C1GALT1: variants seen among roughly 807,000 people sequenced by gnomAD.
C1GALT1 encodes the protein glycoprotein-N-acetylgalactosamine 3-beta-galactosyltransferase 1.
In C1GALT1, 11 loss-of-function variants were observed where a neutral mutation model predicts 31.0. That is an observed-to-expected ratio of 0.36 (90% CI 0.22 to 0.59). C1GALT1 has a LOEUF of 0.59. Ranked by LOEUF, C1GALT1 falls within the 20% of genes least tolerant of loss-of-function variation. The probability of loss-of-function intolerance (pLI) is 0.79; values close to 1 mark genes in which losing one functional copy is unlikely to be tolerated. For missense variants in C1GALT1, 424 were observed against 425.2 expected (o/e 1.00, Z 0.03); for synonymous variants, 175 against 143.6 (o/e 1.22, Z -1.56).
At chr7:7,166,088 C>T (rs941126465) in intron 2 of C1GALT1, among the ~76,000 whole-genome samples, 3 of 152,096 alleles carry the variant, frequency 2.0e-5, no homozygotes, top group African/African-American at 7.2e-5. Context: ...CACGTTCTCT[C>T]ATTTACTGAT....
At chr7:7,177,420 A>G (rs905319273) in intron 2 of C1GALT1, among the ~76,000 whole-genome samples, 5 of 152,136 alleles carry the variant, frequency 3.3e-5, no homozygotes, top group Non-Finnish European at 7.4e-5. Context: ...TCTAGGATGA[A>G]CTCATAAACT....
intron 1 of C1GALT1, among the ~76,000 whole-genome samples, chr7:7,205,312 C>T (rs756656273): frequency 1.7e-4 from 26 of 151,948 alleles, no homozygotes; most frequent in Non-Finnish European, 2.4e-4. Flanking sequence ...AATAGACTGC[C>T]GCTGGAAGTC....
chr7:7,163,551 G>A (rs531170210), intron 2 of C1GALT1, among the ~76,000 whole-genome samples: 1 of 152,126 alleles, frequency 6.6e-6, no homozygotes, highest in African/African-American at 2.4e-5. Flanking sequence ...TGACATGATT[G>A]TATATCTAGA....
chr7:7,189,632 TA>T (rs1780970697), intron 1 of C1GALT1, among the ~76,000 whole-genome samples: 1 of 152,070 alleles, frequency 6.6e-6, no homozygotes, highest in African/African-American at 2.4e-5. Flanking sequence ...TGCTGTACAT[TA>T]AAAAAATATA....
At chr7:7,229,252 A>G (rs906066869) in intron 1 of C1GALT1, among the ~76,000 whole-genome samples, 41 of 152,152 alleles carry the variant, frequency 2.7e-4, no homozygotes, top group Admixed American at 2.7e-3. Flanking sequence ...TATTAAGGCA[A>G]AATCACAGCT....
In C1GALT1 at chr7:7,245,357, T is replaced by C; in HGVS notation, c.*1630T>C. The C allele has an allele frequency of 6.6e-6, 1 of 152,324 alleles. No homozygotes were observed. Among genetic ancestry groups the C allele is most frequent in the East Asian group, 1.9e-4 (1 of 5,192 alleles). The allele number at this position is 152,324 out of a possible 1,614,324, so 9.4% of individuals were successfully genotyped here. A position where few individuals can be genotyped will look rare whatever the true frequency, so the allele number is the denominator to read the frequency against. ...CACGCCCCGCCAGTTTTCATATTTT[T>C]AGTAGAGACAGGGTTTTGCCGTGTT... is the stretch of plus-strand genomic sequence containing the variant. On this transcript the variant is annotated 3_prime_UTR_variant, in exon 4 of 4. Transcript: ENST00000436587.
intron 1 of C1GALT1, among the ~76,000 whole-genome samples, chr7:7,216,615 G>C (rs927233869): frequency 6.7e-6 from 1 of 150,120 alleles, no homozygotes; most frequent in African/African-American, 2.5e-5. Context: ...ACTTACCCTT[G>C]AAAGAAAACA....
In C1GALT1 at chr7:7,182,812, T is replaced by A. The variant is rs929952845; in HGVS notation, c.-26T>A. The stretch of plus-strand genomic sequence containing the variant: ...AGGAGGGGCGAGAGGGAGCCGCAGC[T>A]GATGTCAGGTATGGCCGGCGGAGGC... On this transcript the variant is annotated 5_prime_UTR_variant, in exon 1 of 4. Coordinates refer to ENST00000436587, the MANE Select transcript of C1GALT1 (RefSeq NM_020156.5). 4.1e-6 allele frequency: 4 copies of A among 985,502 alleles called. No homozygotes were observed. Among genetic ancestry groups the A allele is most frequent in the Non-Finnish European group, 4.8e-6 (4 of 830,056 alleles). The allele number at this position is 985,502 out of a possible 1,614,324, so 61.0% of individuals were successfully genotyped here.
intron 1 of C1GALT1, among the ~76,000 whole-genome samples, chr7:7,208,771 C>T (rs755327668): frequency 6.6e-6 from 1 of 152,198 alleles, no homozygotes; most frequent in Non-Finnish European, 1.5e-5. Context: ...CACCCTAACT[C>T]CCACAGCTAC....
intron 3 of C1GALT1, among the ~76,000 whole-genome samples, chr7:7,240,787 A>G (rs962381663): frequency 3.9e-5 from 6 of 152,020 alleles, no homozygotes; most frequent in African/African-American, 1.2e-4. Flanking sequence ...TCTTACATAA[A>G]CCCAACGTGA....
chr7:7,230,738 C>T (rs1783037308), intron 1 of C1GALT1, among the ~76,000 whole-genome samples: 1 of 148,232 alleles, frequency 6.7e-6, no homozygotes, highest in Non-Finnish European at 1.5e-5. Flanking sequence ...TTATATTAGA[C>T]ATCCTTGGTC....
intron 3 of C1GALT1, among the ~76,000 whole-genome samples, chr7:7,241,871 T>C (rs1783644241): frequency 1.3e-5 from 2 of 152,000 alleles, no homozygotes; most frequent in Non-Finnish European, 2.9e-5. Flanking sequence ...CTTAACAGAA[T>C]CCTGGCCATC....
intron 1 of C1GALT1, among the ~76,000 whole-genome samples, chr7:7,193,245 T>C (rs1781149284): frequency 6.6e-6 from 1 of 152,132 alleles, no homozygotes; most frequent in East Asian, 1.9e-4. Flanking sequence ...TCTAGAAGGG[T>C]TTTTCTGATG....
intron 2 of C1GALT1, among the ~76,000 whole-genome samples, chr7:7,166,833 A>G (rs2128226946): frequency 6.6e-6 from 1 of 152,332 alleles, no homozygotes; most frequent in Middle Eastern, 3.4e-3. Context: ...AATAGTAAGC[A>G]TGCCGCAGTA....
At chr7:7,225,827 T>G (rs892598975) in intron 1 of C1GALT1, among the ~76,000 whole-genome samples, 1 of 152,168 alleles carries the variant, frequency 6.6e-6, no homozygotes, top group African/African-American at 2.4e-5. Flanking sequence ...CGGTTTCTTG[T>G]TGGACCTACT....
At chr7:7,197,921 G>C (rs1057345467) in intron 1 of C1GALT1, among the ~76,000 whole-genome samples, 1 of 152,126 alleles carries the variant, frequency 6.6e-6, no homozygotes, top group Non-Finnish European at 1.5e-5. Flanking sequence ...TTGCTTATCA[G>C]CTTGAGATAT....
intron 1 of C1GALT1, among the ~76,000 whole-genome samples, chr7:7,233,343 A>G (rs754469887): frequency 7.2e-5 from 11 of 152,066 alleles, no homozygotes; most frequent in Non-Finnish European, 1.2e-4. Flanking sequence ...GGCACACTGC[A>G]ACCTCCGCCT....
intron 2 of C1GALT1, among the ~76,000 whole-genome samples, chr7:7,172,896 G>T (rs188317107): frequency 6.6e-6 from 1 of 152,086 alleles, no homozygotes; most frequent in Non-Finnish European, 1.5e-5. Context: ...ATAATGAAAT[G>T]TATCTACCAT....
chr7:7,227,443 G>C (rs976942806), intron 1 of C1GALT1, among the ~76,000 whole-genome samples: 2 of 152,156 alleles, frequency 1.3e-5, no homozygotes, highest in Non-Finnish European at 2.9e-5. Flanking sequence ...AGGGAAGGCC[G>C]GGCGCGGTGG....
Sources: gnomAD v4.1 joint callset for allele counts (sites outside exome capture counted in the v4.1 genomes callset) on GRCh38, gnomAD v4.1.1 for gene constraint, MANE v1.5 for transcripts, NCBI Gene and HGNC (gene_info 2026-07-23, HGNC 2026-07-21) for gene names.